The following COA4 variants were observed in gnomAD, a reference collection of about 807,000 sequenced individuals.
COA4 encodes the protein cytochrome c oxidase assembly factor 4 homolog.
Under a neutral mutation model 7.3 loss-of-function variants are expected in COA4, and 8 were observed. That is an observed-to-expected ratio of 1.10 (90% CI 0.64 to 1.98). The LOEUF is 1.98. Ranked by LOEUF, COA4 falls within the 30% of genes most tolerant of loss-of-function variation. The probability of loss-of-function intolerance (pLI) is 0.00; values close to 1 mark genes in which losing one functional copy is unlikely to be tolerated. For missense variants in COA4, 96 were observed against 111.2 expected, an observed-to-expected ratio of 0.86 and a Z score of 0.62; for synonymous variants, 42 against 44.3, an observed-to-expected ratio of 0.95 and a Z score of 0.21.
intron 1 of COA4, among the ~76,000 whole-genome samples, chr11:73,874,138 C>A (rs889256631): frequency 6.6e-6 from 1 of 151,942 alleles, no homozygotes; most frequent in Non-Finnish European, 1.5e-5. Flanking sequence ...AATAGCAAGA[C>A]CTCATCTCTA....
chr11:73,876,753 T>C lies in COA4; in HGVS notation c.-17+4A>G. On this transcript the variant is annotated splice_donor_region_variant and intron_variant, in intron 1 of 1. Coordinates refer to ENST00000355693, the MANE Select transcript of COA4 (RefSeq NM_016565.3). ...TCCTGAAGAACGCGGTACGCGATGCTCACCGAACAGGTGGGAGAAGAGGGC... is the reference window on the plus strand; with the variant it reads ...TCCTGAAGAACGCGGTACGCGATGCCCACCGAACAGGTGGGAGAAGAGGGC... 5.8e-6 allele frequency: 2 copies of C among 342,118 alleles called. No homozygotes were observed. Among genetic ancestry groups the C allele is most frequent in the East Asian group, 4.3e-5 (1 of 23,062 alleles). The allele number at this position is 342,118 out of a possible 1,614,324, so 21.2% of individuals were successfully genotyped here.
Position 73,873,208 on chromosome 11 carries a change from C to T in COA4, c.171G>A (p.Gln57=). 6.2e-7 allele frequency: 1 copy of T among 1,614,258 alleles called. No homozygotes were observed. Among genetic ancestry groups the T allele is most frequent in the East Asian group, 2.2e-5 (1 of 44,894 alleles). The change falls in exon 2 of 2, where the codon CAG becomes CAA. Residue 57 remains glutamine (Q), a synonymous_variant. Transcript: ENST00000355693. ...QHQDWRQCQP[Q]VQAFKDCMSE... Reference sequence around the variant, plus strand: ...TCATGCAATCCTTGAACGCCTGCACCTGTGGCTGGCATTGCCGCCAGTCCT... The same window carrying T: ...TCATGCAATCCTTGAACGCCTGCACTTGTGGCTGGCATTGCCGCCAGTCCT...
chr11:73,872,948 A>C lies in COA4; in HGVS notation c.*167T>G. 1.4e-6 allele frequency: 1 copy of C among 724,254 alleles called. No individual in the cohort carries two copies. Among genetic ancestry groups the C allele is most frequent in the Non-Finnish European group, 2.2e-6 (1 of 450,296 alleles). The allele number at this position is 724,254 out of a possible 1,614,324, so 44.9% of individuals were successfully genotyped here. On this transcript the variant is annotated 3_prime_UTR_variant, in exon 2 of 2. Coordinates refer to ENST00000355693, the MANE Select transcript of COA4 (RefSeq NM_016565.3). ...TGACATCTGACCATGAACATATGAC[A>C]GCTGTTTGTGCCAGTCATGTCCAAA...
In COA4 at chr11:73,872,749, A is replaced by G. The variant is rs1948702549; in HGVS notation, c.*366T>C. On this transcript the variant is annotated 3_prime_UTR_variant, in exon 2 of 2. Coordinates refer to ENST00000355693, the MANE Select transcript of COA4 (RefSeq NM_016565.3). ...AGAACAAGTGATGAAAGAGAAAGGCACTAATTAGGTAATCAATTTACCATT... is the reference window on the plus strand; with the variant it reads ...AGAACAAGTGATGAAAGAGAAAGGCGCTAATTAGGTAATCAATTTACCATT... The G allele has an allele frequency of 5.0e-6, 1 of 201,026 alleles. No homozygotes were observed. The highest frequency in any genetic ancestry group is 2.3e-5 in the African/African-American group (1 of 43,336). The allele number at this position is 201,026 out of a possible 1,614,324, so 12.5% of individuals were successfully genotyped here.
intron 1 of COA4, chr11:73,876,140 A>G: frequency 8.4e-6 from 1 of 118,444 alleles, no homozygotes; most frequent in Non-Finnish European, 1.9e-5. Flanking sequence ...AAAAAAAAAA[A>G]AGAAAAAAAA....
At position 73,873,055 on chromosome 11, in the gene COA4, T is replaced by TA; in HGVS notation, c.*59dup. The TA allele has an allele frequency of 6.6e-7, 1 of 1,522,644 alleles. No homozygotes were observed. 94.3% of individuals were successfully genotyped at this position (1,522,644 alleles called of 1,614,324 possible). A position where few individuals can be genotyped will look rare whatever the true frequency, so the allele number is the denominator to read the frequency against. On this transcript the variant is annotated 3_prime_UTR_variant, in exon 2 of 2. Transcript: ENST00000355693. ...CCAGCATTTAGGATTTCTTCCTCTA[T>TA]AATCTTGCTGGGTGCTGGTCTTGGC...
rs1041360307 is a variant in COA4, at chr11:73,873,543, T to G, written c.-16-149A>C. 2.1e-5 allele frequency: 15 copies of G among 706,436 alleles called. No individual in the cohort carries two copies. The East Asian group carries it at 3.1e-4, about 14-fold the overall frequency. The allele number at this position is 706,436 out of a possible 1,614,324, so 43.8% of individuals were successfully genotyped here. Reference sequence around the variant, plus strand: ...GCTTGAAGACAGATGCTTGTTTTTTTTTTTTTTTTTTTGAGGGTGTCTTGC... The same window carrying G: ...GCTTGAAGACAGATGCTTGTTTTTTGTTTTTTTTTTTTGAGGGTGTCTTGC... On this transcript the variant is annotated intron_variant, in intron 1 of 1. Coordinates refer to ENST00000355693, the MANE Select transcript of COA4 (RefSeq NM_016565.3).
intron 1 of COA4, chr11:73,875,668 A>C (rs1254793458): frequency 2.0e-5 from 2 of 97,682 alleles, no homozygotes; most frequent in African/African-American, 3.1e-5. Context: ...ACATGAGAGC[A>C]AAAAAAAAAA....
At chr11:73,873,540 T>G (rs1591022461) in intron 1 of COA4, 146 bp from the exon 2 acceptor site, 1 of 649,382 alleles carries the variant, frequency 1.5e-6, no homozygotes, top group African/African-American at 1.9e-5. Context: ...ATGCTTGTTT[T>G]TTTTTTTTTT....
Position 73,873,251 on chromosome 11 carries a change from T to C in COA4, c.128A>G (p.Glu43Gly). 6.2e-7 allele frequency: 1 copy of C among 1,614,240 alleles called. No homozygotes were observed. The highest frequency in any genetic ancestry group is 8.5e-7 in the Non-Finnish European group (1 of 1,180,042). The change falls in exon 2 of 2, where the codon GAG becomes GGG. Residue 43 changes from glutamate (E) to glycine (G), a missense_variant. Transcript: ENST00000355693. The stretch of plus-strand genomic sequence containing the variant: ...CCAGTCCTGGTGCTGGGCCATGCAC[T>C]CCTGCACTGCAAAGTGGGAGGCAGC... ...GCAASHFAVQ[E>G]CMAQHQDWRQ... is the part of the protein sequence containing the mutation.
chr11:73,875,603 A>G (rs1035485121), intron 1 of COA4, among the ~76,000 whole-genome samples: 5 of 152,006 alleles, frequency 3.3e-5, no homozygotes, highest in Admixed American at 6.6e-5. Context: ...TTAGCCAGAG[A>G]TGGGAAAACT....
chr11:73,874,767 C>T (rs150741541), intron 1 of COA4, among the ~76,000 whole-genome samples: 1 of 152,264 alleles, frequency 6.6e-6, no homozygotes, highest in East Asian at 1.9e-4. Flanking sequence ...GCAGATGGAT[C>T]ATAAGGTCAG....
rs2135105278 is a variant in COA4, at chr11:73,873,086, C to G, written c.*29G>C. The G allele has an allele frequency of 1.3e-6, 2 of 1,568,520 alleles. No individual in the cohort carries two copies. Among genetic ancestry groups the G allele is most frequent in the African/African-American group, 2.7e-5 (2 of 73,870 alleles). On this transcript the variant is annotated 3_prime_UTR_variant, in exon 2 of 2. Transcript: ENST00000355693. ...TGCTGGGTGCTGGTCTTGGCAGGGC[C>G]ATCTACTGGGGATAGGTGGTTTGGG...
chr11:73,874,197 C>T (rs998381775), intron 1 of COA4, among the ~76,000 whole-genome samples: 4 of 152,086 alleles, frequency 2.6e-5, no homozygotes, highest in African/African-American at 9.7e-5. Flanking sequence ...CCTATAATCC[C>T]AGCACTTTGG....
chr11:73,874,124 G>A (rs995018261), intron 1 of COA4, among the ~76,000 whole-genome samples: 5 of 151,844 alleles, frequency 3.3e-5, no homozygotes, highest in African/African-American at 1.2e-4. Flanking sequence ...AGACCAGCAG[G>A]GGTAATAGCA....
At position 73,876,846 on chromosome 11, in the gene COA4, C is replaced by A. The variant is rs148117364; in HGVS notation, c.-106G>T. 1.6e-6 allele frequency: 1 copy of A among 625,546 alleles called. No individual in the cohort carries two copies. The highest frequency in any genetic ancestry group is 2.5e-6 in the Non-Finnish European group (1 of 402,214). 38.7% of individuals were successfully genotyped at this position (625,546 alleles called of 1,614,324 possible). ...GTTGGGGATCCTCTGTACATCCTTT[C>A]AGGAACCAGCCCCTCGTGGGGAGCG... On this transcript the variant is annotated 5_prime_UTR_variant, in exon 1 of 2. Transcript: ENST00000355693.
In COA4 at chr11:73,872,924, G is replaced by A; in HGVS notation, c.*191C>T. ...TGGAACAAGACAGCTGAGAATGTAT[G>A]ACATCTGACCATGAACATATGACAG... On this transcript the variant is annotated 3_prime_UTR_variant, in exon 2 of 2. Coordinates refer to ENST00000355693, the MANE Select transcript of COA4 (RefSeq NM_016565.3). The A allele has an allele frequency of 1.6e-6, 1 of 637,624 alleles. No homozygotes were observed. The highest frequency in any genetic ancestry group is 2.6e-6 in the Non-Finnish European group (1 of 380,102). The allele number at this position is 637,624 out of a possible 1,614,324, so 39.5% of individuals were successfully genotyped here.
At chr11:73,873,635 C>A (rs1437160535) in intron 1 of COA4, 1 of 545,418 alleles carries the variant, frequency 1.8e-6, no homozygotes, top group African/African-American at 1.9e-5. Context: ...CTCAGTCCCT[C>A]CCTGGCCAGA....
In COA4 at chr11:73,873,246, T is replaced by C. The variant is rs1565118381; in HGVS notation, c.133A>G (p.Met45Val). The part of the protein sequence containing the change: ...AASHFAVQEC[M>V]AQHQDWRQCQ... ...TGCCGCCAGTCCTGGTGCTGGGCCA[T>C]GCACTCCTGCACTGCAAAGTGGGAG... Residue 45 changes from methionine to valine, a missense_variant, in exon 2 of 2, where the codon ATG becomes GTG. Transcript: ENST00000355693. The C allele has an allele frequency of 1.2e-6, 2 of 1,614,266 alleles. No individual in the cohort carries two copies. The highest frequency in any genetic ancestry group is 2.2e-5 in the East Asian group (1 of 44,888).
Sources: allele counts gnomAD v4.1 joint callset (sites outside exome capture counted in the v4.1 genomes callset), GRCh38; gene constraint gnomAD v4.1.1; transcripts MANE v1.5; gene names NCBI Gene and HGNC (gene_info 2026-07-23, HGNC 2026-07-21).